TEAD4: variants seen among roughly 807,000 people sequenced by gnomAD.
TEAD4 encodes the protein TEA domain transcription factor 4, also known as transcriptional enhancer factor TEF-3.
TEAD4 carries 36 observed loss-of-function variants against 52.4 expected under a neutral mutation model. The observed-to-expected ratio is 0.69, with a 90% CI of 0.53 to 0.91. The LOEUF is 0.91. Among genes scored for constraint, TEAD4 ranks in the 40% least tolerant of loss-of-function variants. The pLI, the probability that TEAD4 is intolerant of heterozygous loss-of-function variation, is 0.00. For missense variants in TEAD4, 508 were observed against 583.9 expected (o/e 0.87, Z 1.34); for synonymous variants, 220 against 231.0 (o/e 0.95, Z 0.43).
At chr12:2,987,870 G>C (rs1270983566) in intron 2 of TEAD4, among the ~76,000 whole-genome samples, 1 of 151,604 alleles carries the variant, frequency 6.6e-6, no homozygotes, top group African/African-American at 2.4e-5. Flanking sequence ...TTCAAGACCA[G>C]CCTGGCCAAC....
intron 2 of TEAD4, among the ~76,000 whole-genome samples, chr12:2,984,676 A>C (rs1349724864): frequency 6.6e-6 from 1 of 152,210 alleles, no homozygotes; most frequent in Non-Finnish European, 1.5e-5. Flanking sequence ...TCTGGGCTAT[A>C]AATCTGTACA....
At chr12:3,004,705 A>G (rs1591579494) in intron 3 of TEAD4, among the ~76,000 whole-genome samples, 1 of 152,240 alleles carries the variant, frequency 6.6e-6, no homozygotes, top group African/African-American at 2.4e-5. Flanking sequence ...ACATATCTGT[A>G]TCCGCACAGA....
intron 3 of TEAD4, among the ~76,000 whole-genome samples, chr12:2,996,385 T>G (rs530771991): frequency 6.6e-6 from 1 of 152,118 alleles, no homozygotes; most frequent in East Asian, 1.9e-4. Context: ...GGTTGCTTAT[T>G]TTTTCCTTTT....
chr12:3,010,876 C>T (rs2098259753), intron 3 of TEAD4, 128 bp from the exon 4 acceptor site: 5 of 994,950 alleles, frequency 5.0e-6, no homozygotes, highest in Non-Finnish European at 6.1e-6. Flanking sequence ...GAATCCTCAC[C>T]CCACAAATCC....
intron 2 of TEAD4, among the ~76,000 whole-genome samples, chr12:2,968,192 T>C (rs1591552768): frequency 1.3e-5 from 2 of 149,922 alleles, no homozygotes; most frequent in South Asian, 4.2e-4. Flanking sequence ...GTTCAAGCGA[T>C]TCTCCTGCCA....
chr12:2,988,541 T>A (rs2098240566), intron 2 of TEAD4, among the ~76,000 whole-genome samples: 1 of 151,470 alleles, frequency 6.6e-6, no homozygotes, highest in Admixed American at 6.6e-5. Flanking sequence ...TATTGGGACT[T>A]CATTCAGTGT....
At chr12:2,963,410 G>C (rs2098217506) in intron 2 of TEAD4, among the ~76,000 whole-genome samples, 1 of 152,170 alleles carries the variant, frequency 6.6e-6, no homozygotes, top group African/African-American at 2.4e-5. Context: ...GCTTTACCTT[G>C]CCTGTCTTCC....
intron 2 of TEAD4, among the ~76,000 whole-genome samples, chr12:2,977,143 C>T (rs1370047804): frequency 1.3e-5 from 2 of 152,104 alleles, no homozygotes; most frequent in African/African-American, 4.8e-5. Flanking sequence ...ATTGAGATTG[C>T]ACTGGTGCCT....
At chr12:3,004,408 A>C (rs1041658318) in intron 3 of TEAD4, among the ~76,000 whole-genome samples, 8 of 152,152 alleles carry the variant, frequency 5.3e-5, no homozygotes, top group Non-Finnish European at 7.3e-5. Context: ...CTTCCATTTC[A>C]TCTTCATCAG....
intron 3 of TEAD4, among the ~76,000 whole-genome samples, chr12:3,005,296 T>C (rs1322392356): frequency 7.0e-5 from 9 of 128,988 alleles, no homozygotes; most frequent in Non-Finnish European, 4.8e-5. Flanking sequence ...TTTTTGTTTT[T>C]CCGTTTTGTT....
chr12:3,021,110 C>T (rs116295374), intron 9 of TEAD4, among the ~76,000 whole-genome samples: 3,350 of 152,146 alleles, frequency 0.022, 138 homozygotes, highest in African/African-American at 0.076. Context: ...GTCCCAGCCT[C>T]TCTCTGGTTC....
chr12:2,992,016 C>CTTTTTT (rs372782883), intron 2 of TEAD4, among the ~76,000 whole-genome samples: 6 of 107,648 alleles, frequency 5.6e-5, no homozygotes, highest in East Asian at 3.3e-4. Flanking sequence ...GCGGTTCCTG[C>CTTTTTT]TTTTTTTTTT....
In TEAD4 at chr12:3,010,007, T is replaced by A. The variant is rs930788531; in HGVS notation, c.227-997T>A. On this transcript the variant is annotated intron_variant, in intron 3 of 12. Coordinates refer to ENST00000359864, the MANE Select transcript of TEAD4 (RefSeq NM_003213.4). ...GCCTCCCACGGACAGCCGCAAGCCC[T>A]CCCGGTTCCGCAGCACAGGGCGGGC... Among the ~76,000 whole-genome samples, 5 of 152,278 alleles carry A rather than the reference T, an allele frequency of 3.3e-5. No individual in the cohort carries two copies. In the East Asian group the frequency reaches 9.7e-4, roughly 29 times the overall value.
chr12:3,009,302 C>A (rs1030747698), intron 3 of TEAD4, among the ~76,000 whole-genome samples: 11 of 152,162 alleles, frequency 7.2e-5, no homozygotes, highest in African/African-American at 2.7e-4. Flanking sequence ...TGGTGGTACG[C>A]ACCTGTAATC....
chr12:2,991,909 C>T (rs763683029), intron 2 of TEAD4, among the ~76,000 whole-genome samples: 9 of 151,728 alleles, frequency 5.9e-5, no homozygotes, highest in Non-Finnish European at 1.0e-4. Flanking sequence ...GGCCTCACTG[C>T]GCGACCTTGG....
intron 3 of TEAD4, among the ~76,000 whole-genome samples, chr12:3,008,995 G>A (rs930019611): frequency 1.3e-5 from 2 of 152,162 alleles, no homozygotes; most frequent in African/African-American, 4.8e-5. Context: ...ACTTACTTGG[G>A]CCTAGAGCAT....
intron 2 of TEAD4, among the ~76,000 whole-genome samples, chr12:2,993,605 G>A (rs946176547): frequency 1.3e-5 from 2 of 152,012 alleles, no homozygotes; most frequent in Non-Finnish European, 1.5e-5. Flanking sequence ...AGAGTAGCTG[G>A]GACTATAGGT....
In TEAD4 at chr12:2,979,034, A is replaced by G. The variant is rs562373579; in HGVS notation, c.-29-15704A>G. 6.0e-3 allele frequency among the ~76,000 whole-genome samples: 909 copies of G among 151,686 alleles called. 2 individuals carry two copies. Among genetic ancestry groups the G allele is most frequent in the Non-Finnish European group, 9.5e-3 (648 of 67,862 alleles). ...TGGTTCAAGCGATTCTTGTGCCTCA[A>G]CCTCCCGAGTAGCTGGGATTACAGG... On this transcript the variant is annotated intron_variant, in intron 2 of 12. Transcript: ENST00000359864.
At chr12:2,962,298 A>G (rs990365919) in intron 2 of TEAD4, among the ~76,000 whole-genome samples, 1 of 122,312 alleles carries the variant, frequency 8.2e-6, no homozygotes, top group African/African-American at 3.3e-5. Context: ...ATTTATATAT[A>G]TAAATATAAA....
Sources: allele counts gnomAD v4.1 joint callset (sites outside exome capture counted in the v4.1 genomes callset), GRCh38; gene constraint gnomAD v4.1.1; transcripts MANE v1.5; gene names NCBI Gene and HGNC (gene_info 2026-07-23, HGNC 2026-07-21).